The following DLG2 variants were observed in gnomAD, a reference collection of about 807,000 sequenced individuals.
The protein encoded by DLG2 is discs large MAGUK scaffold protein 2.
Under a neutral mutation model 132.5 loss-of-function variants are expected in DLG2, and 45 were observed. The ratio of observed to expected loss-of-function variants is 0.34; its 90% CI spans 0.27 to 0.44. The LOEUF (loss-of-function observed/expected upper bound fraction) is 0.44. Among genes scored for constraint, DLG2 ranks in the 20% least tolerant of loss-of-function variants. DLG2 has a pLI of 1.00. For missense variants in DLG2, 1,045 were observed against 1,196.9 expected, an observed-to-expected ratio of 0.87 and a Z score of 1.87; for synonymous variants, 424 against 419.6, an observed-to-expected ratio of 1.01 and a Z score of -0.13.
intron 17 of DLG2, among the ~76,000 whole-genome samples, chr11:83,788,584 T>C (rs1049943758): frequency 2.0e-5 from 3 of 152,244 alleles, no homozygotes; most frequent in African/African-American, 4.8e-5. Flanking sequence ...GTCTAGGCTA[T>C]TGATGAGTTA....
chr11:84,842,296 A>T (rs1255662144), intron 6 of DLG2, among the ~76,000 whole-genome samples: 2 of 151,982 alleles, frequency 1.3e-5, no homozygotes, highest in Non-Finnish European at 2.9e-5. Flanking sequence ...AGGCATTCTT[A>T]TCGCCACTTT....
At chr11:83,868,974 A>G (rs921812621) in intron 16 of DLG2, among the ~76,000 whole-genome samples, 4 of 152,186 alleles carry the variant, frequency 2.6e-5, no homozygotes, top group Non-Finnish European at 4.4e-5. Context: ...GTCCCTTAAA[A>G]GTTTACGCTC....
chr11:84,167,443 T>C (rs2095693932), intron 8 of DLG2, among the ~76,000 whole-genome samples: 2 of 152,214 alleles, frequency 1.3e-5, no homozygotes, highest in African/African-American at 4.8e-5. Flanking sequence ...TTTTTCTACT[T>C]CAATGATATA....
intron 7 of DLG2, among the ~76,000 whole-genome samples, chr11:84,254,597 A>G (rs2097435742): frequency 6.6e-6 from 1 of 152,222 alleles, no homozygotes; most frequent in African/African-American, 2.4e-5. Context: ...TCATGATACC[A>G]AGACTGTGAC....
chr11:84,016,321 T>A (rs1196130638), intron 11 of DLG2, among the ~76,000 whole-genome samples: 2 of 152,166 alleles, frequency 1.3e-5, no homozygotes, highest in Admixed American at 1.3e-4. Context: ...TCTCCTATTC[T>A]GTAGGTTGTC....
At chr11:84,801,330 G>A (rs761371140) in intron 6 of DLG2, among the ~76,000 whole-genome samples, 27 of 152,150 alleles carry the variant, frequency 1.8e-4, no homozygotes, top group Non-Finnish European at 3.8e-4. Flanking sequence ...CTAGCACTTT[G>A]AGGCCGAGGC....
rs549154360 is a variant in DLG2, at chr11:85,353,057, A to G, written c.41-67692T>C. Among the ~76,000 whole-genome samples, 20 of 152,334 alleles carry G rather than the reference A, an allele frequency of 1.3e-4. No homozygotes were observed. The South Asian group carries it at 4.1e-3, about 32-fold the overall frequency. ...CCATCAGAGTGAACAGGCAACCTAT[A>G]GAATGGGAGAAAATTTTTGCAATCT... On this transcript the variant is annotated intron_variant, in intron 3 of 27. Coordinates refer to ENST00000376104, the MANE Select transcript of DLG2 (RefSeq NM_001142699.3).
chr11:83,747,384 C>T (rs1593545522), intron 18 of DLG2, among the ~76,000 whole-genome samples: 1 of 149,334 alleles, frequency 6.7e-6, no homozygotes, highest in African/African-American at 2.5e-5. Context: ...CTCTCTCTCT[C>T]TTTTTTGACA....
At chr11:83,602,993 T>TTGTG (rs1566008286) in intron 19 of DLG2, among the ~76,000 whole-genome samples, 4 of 152,118 alleles carry the variant, frequency 2.6e-5, no homozygotes, top group Non-Finnish European at 2.9e-5. Context: ...CCATCTTTTT[T>TTGTG]TGTTTTAGGG....
At chr11:84,226,242 C>T (rs991654451) in intron 8 of DLG2, among the ~76,000 whole-genome samples, 1 of 152,106 alleles carries the variant, frequency 6.6e-6, no homozygotes, top group African/African-American at 2.4e-5. Context: ...TATGATGTTA[C>T]TAGGGATGAT....
At chr11:83,526,044 A>C (rs1304193580) in intron 21 of DLG2, among the ~76,000 whole-genome samples, 1 of 152,198 alleles carries the variant, frequency 6.6e-6, no homozygotes, top group African/African-American at 2.4e-5. Context: ...TCTATGAAAT[A>C]GAAATGAGAT....
At chr11:84,080,233 C>T (rs1421996794) in intron 10 of DLG2, among the ~76,000 whole-genome samples, 1 of 152,144 alleles carries the variant, frequency 6.6e-6, no homozygotes, top group Non-Finnish European at 1.5e-5. Flanking sequence ...TATTCTGTGT[C>T]AGTTTAATAA....
At chr11:84,148,344 G>T (rs75086358) in intron 9 of DLG2, among the ~76,000 whole-genome samples, 1,873 of 152,154 alleles carry the variant, frequency 0.012, 35 homozygotes, top group African/African-American at 0.043. Flanking sequence ...GTCCTAAGTA[G>T]GATGTGTTTC....
chr11:84,426,911 T>C (rs1001367048), intron 7 of DLG2, among the ~76,000 whole-genome samples: 1 of 152,126 alleles, frequency 6.6e-6, no homozygotes, highest in Non-Finnish European at 1.5e-5. Flanking sequence ...AGGGGGACAA[T>C]ATTTTATAAG....
intron 7 of DLG2, among the ~76,000 whole-genome samples, chr11:84,401,383 C>T (rs556007097): frequency 1.5e-4 from 23 of 152,082 alleles, no homozygotes; most frequent in African/African-American, 5.1e-4. Flanking sequence ...GTCTTTCCTC[C>T]ACCCCCAACC....
chr11:83,759,474 T>A lies in DLG2; in HGVS notation c.1825+27216A>T, dbSNP rs147344223. Among the ~76,000 whole-genome samples the A allele has an allele frequency of 1.8e-3, 277 of 152,342 alleles. 1 individual carries two copies. The highest frequency in any genetic ancestry group is 6.1e-3 in the African/African-American group (253 of 41,590). ...TGGGCTTTCTTTTAATTAGCACAAC[T>A]GTGACCTCGAAGGCTTTAGCAAATG... On this transcript the variant is annotated intron_variant, in intron 18 of 27. Transcript: ENST00000376104.
intron 2 of DLG2, among the ~76,000 whole-genome samples, chr11:85,606,648 T>C (rs1027516650): frequency 6.6e-6 from 1 of 152,084 alleles, no homozygotes; most frequent in Non-Finnish European, 1.5e-5. Context: ...TGTGGAAGCT[T>C]TGTTCTTTCG....
chr11:85,213,907 T>A (rs1377786761), intron 4 of DLG2, among the ~76,000 whole-genome samples: 1 of 151,998 alleles, frequency 6.6e-6, no homozygotes. Flanking sequence ...GATAGTACAA[T>A]GGAAAAACAG....
intron 3 of DLG2, among the ~76,000 whole-genome samples, chr11:85,416,380 C>T (rs1009276039): frequency 2.0e-5 from 3 of 151,226 alleles, no homozygotes; most frequent in African/African-American, 7.3e-5. Context: ...TAGCATGATG[C>T]CTCCAGCTTT....
Sources: allele counts gnomAD v4.1 joint callset (sites outside exome capture counted in the v4.1 genomes callset), GRCh38; gene constraint gnomAD v4.1.1; transcripts MANE v1.5; gene names NCBI Gene and HGNC (gene_info 2026-07-23, HGNC 2026-07-21).